KANK1: variants seen among roughly 807,000 people sequenced by gnomAD.
The protein encoded by KANK1 is KN motif and ankyrin repeat domains 1.
KANK1 carries 109 observed loss-of-function variants against 106.2 expected under a neutral mutation model. The ratio of observed to expected loss-of-function variants is 1.03; its 90% confidence interval spans 0.88 to 1.20. The LOEUF is 1.20. Ranked by LOEUF, KANK1 falls within the 50% of genes most tolerant of loss-of-function variation. The pLI, the probability that KANK1 is intolerant of heterozygous loss-of-function variation, is 0.00. For synonymous variants in KANK1, 873 were observed against 652.2 expected, an observed-to-expected ratio of 1.34 and a Z score of -5.16; for missense variants, 2,399 against 1,710.7, an observed-to-expected ratio of 1.40 and a Z score of -7.10.
intron 1 of KANK1, among the ~76,000 whole-genome samples, chr9:518,128 C>A (rs2059375473): frequency 6.6e-6 from 1 of 151,750 alleles, no homozygotes; most frequent in African/African-American, 2.4e-5. Flanking sequence ...GCTCTGTCAA[C>A]TTTGATAGCA....
Position 713,479 on chromosome 9 carries a change from G to T in KANK1, c.2698+15G>T. 1 of 1,533,616 alleles carries T rather than the reference G, an allele frequency of 6.5e-7. No individual in the cohort carries two copies. The highest frequency in any genetic ancestry group is 8.7e-7 in the Non-Finnish European group (1 of 1,143,474). ...TAAAATCACAGGTAGGTGGTACCCT[G>T]AGGACCTGGGAATGAGGAAGGATGG... On this transcript the variant is annotated intron_variant, in intron 3 of 11. Coordinates refer to ENST00000382297, the MANE Select transcript of KANK1 (RefSeq NM_015158.5).
chr9:479,130 A>G (rs1263208949), intron 3 of KANK1, among the ~76,000 whole-genome samples: 2 of 152,218 alleles, frequency 1.3e-5, no homozygotes, highest in Non-Finnish European at 1.5e-5. Context: ...AAATAACTGC[A>G]ATGCATATCA....
chr9:701,411 A>G (rs1005946555), intron 2 of KANK1, among the ~76,000 whole-genome samples: 7 of 152,096 alleles, frequency 4.6e-5, no homozygotes, highest in African/African-American at 1.7e-4. Flanking sequence ...ATGGAAGAAT[A>G]CAGATTATAT....
intron 8 of KANK1, among the ~76,000 whole-genome samples, chr9:739,821 T>C (rs1390449712): frequency 1.3e-5 from 2 of 152,004 alleles, no homozygotes; most frequent in African/African-American, 4.8e-5. Flanking sequence ...AAGGTGTAGA[T>C]CTAGGATGCT....
At chr9:549,936 G>C (rs915505810) in intron 1 of KANK1, among the ~76,000 whole-genome samples, 1 of 152,110 alleles carries the variant, frequency 6.6e-6, no homozygotes, top group Admixed American at 6.5e-5. Flanking sequence ...CCTGGGTTGA[G>C]GGGGCAGTGG....
intron 1 of KANK1, among the ~76,000 whole-genome samples, chr9:562,228 ATT>A (rs1245507193): frequency 6.7e-6 from 1 of 148,694 alleles, no homozygotes; most frequent in Admixed American, 6.7e-5. Flanking sequence ...AATTTTTTGT[ATT>A]TTTAGTAGAG....
At chr9:676,175 C>T (rs1017911034) in intron 1 of KANK1, among the ~76,000 whole-genome samples, 3 of 152,114 alleles carry the variant, frequency 2.0e-5, no homozygotes, top group Non-Finnish European at 4.4e-5. Flanking sequence ...CCTGTCTCAT[C>T]CTGTGACTAA....
rs199762560 is a variant in KANK1 at position 711,556 on chromosome 9, C to A, written c.790C>A (p.Arg264Ser). ...NVSPMHLQHI[R>S]EQMAIALKRL... The stretch of plus-strand genomic sequence containing the variant: ...GAGCCCCATGCACCTGCAGCACATC[C>A]GCGAGCAGATGGCCATTGCTCTGAA... The change falls in exon 3 of 12, where the codon CGC becomes AGC. Residue 264 changes from arginine to serine, a missense_variant. Coordinates refer to ENST00000382297, the MANE Select transcript of KANK1 (RefSeq NM_015158.5). The A allele has an allele frequency of 6.2e-7, 1 of 1,613,856 alleles. No individual in the cohort carries two copies. Among genetic ancestry groups the A allele is most frequent in the Non-Finnish European group, 8.5e-7 (1 of 1,179,870 alleles).
chr9:605,646 A>G (rs1828914965), intron 1 of KANK1, among the ~76,000 whole-genome samples: 1 of 151,778 alleles, frequency 6.6e-6, no homozygotes, highest in Non-Finnish European at 1.5e-5. Context: ...GACCCAAATG[A>G]TGAATGGCTG....
intron 1 of KANK1, among the ~76,000 whole-genome samples, chr9:663,666 G>T (rs1283993241): frequency 2.0e-5 from 3 of 152,144 alleles, no homozygotes; most frequent in Non-Finnish European, 2.9e-5. Flanking sequence ...CAGTTTCTTG[G>T]AAAGAAACTC....
rs114244116 is a variant in KANK1, at chr9:744,548, C to G, written c.3955C>G (p.Leu1319Val). ...LEAGHKDIAV[L>V]LYAHVNFAKA... is the part of the protein sequence containing the mutation. Reference sequence around the variant, plus strand: ...AGCAGGACACAAGGACATCGCTGTTCTTCTGTATGCCCATGTCAACTTTGC... The same window carrying G: ...AGCAGGACACAAGGACATCGCTGTTGTTCTGTATGCCCATGTCAACTTTGC... Residue 1319 changes from leucine (L) to valine (V), a missense_variant, in exon 11 of 12, where the codon CTT (leucine) becomes GTT (valine). Leu to Val is a conservative substitution (Grantham distance 32, BLOSUM62 1). Transcript: ENST00000382297. The G allele has an allele frequency of 1.1e-5, 18 of 1,614,174 alleles. 1 individual carries two copies. In the South Asian group the frequency reaches 1.9e-4, roughly 17 times the overall value.
At chr9:633,453 G>A (rs757589800) in intron 1 of KANK1, among the ~76,000 whole-genome samples, 11 of 152,100 alleles carry the variant, frequency 7.2e-5, no homozygotes, top group South Asian at 2.1e-4. Flanking sequence ...GCGAGACTCC[G>A]TCTCAAAAAC....
intron 1 of KANK1, among the ~76,000 whole-genome samples, chr9:564,995 G>T (rs1446422509): frequency 3.3e-5 from 5 of 152,226 alleles, no homozygotes; most frequent in African/African-American, 1.2e-4. Context: ...CTGAGAAGGA[G>T]CCTGGTGAGG....
intron 2 of KANK1, among the ~76,000 whole-genome samples, chr9:710,540 C>G (rs1825668920): frequency 6.8e-6 from 1 of 148,114 alleles, no homozygotes; most frequent in African/African-American, 2.5e-5. Context: ...ATTGCTTGAT[C>G]CCAGGAGACG....
upstream of KANK1, among the ~76,000 whole-genome samples, chr9:502,012 T>C (rs2058562741): frequency 6.6e-6 from 1 of 152,204 alleles, no homozygotes; most frequent in Admixed American, 6.5e-5. Context: ...AATGGTATAA[T>C]GGGTAGGGGG....
At chr9:638,762 C>T (rs1397373809) in intron 1 of KANK1, among the ~76,000 whole-genome samples, 1 of 152,134 alleles carries the variant, frequency 6.6e-6, no homozygotes, top group East Asian at 1.9e-4. Flanking sequence ...TCTGTAGATT[C>T]CTCTGATTCT....
chr9:509,083 G>A (rs2058912773), intron 1 of KANK1, among the ~76,000 whole-genome samples: 1 of 152,098 alleles, frequency 6.6e-6, no homozygotes, highest in Non-Finnish European at 1.5e-5. Context: ...TTTGGCAAAT[G>A]GACAAAATAT....
chr9:572,250 G>A (rs1305029464), intron 1 of KANK1, among the ~76,000 whole-genome samples: 1 of 149,870 alleles, frequency 6.7e-6, no homozygotes, highest in Non-Finnish European at 1.5e-5. Flanking sequence ...TAAACTCCTG[G>A]GCTCAAGGCA....
In KANK1 at chr9:548,640, C is replaced by T. The variant is rs184076654; in HGVS notation, c.-84+43886C>T. Among the ~76,000 whole-genome samples, 1,484 of 152,148 alleles carry T rather than the reference C, an allele frequency of 9.8e-3. 10 individuals are homozygous for T. Among genetic ancestry groups the T allele is most frequent in the South Asian group, 0.021 (102 of 4,814 alleles). The stretch of plus-strand genomic sequence containing the variant: ...CAAACACCCCTACCAACTAACCCAT[C>T]GTGTATTTTTATGTGTGTATAGAAA... On this transcript the variant is annotated intron_variant, in intron 1 of 11. Coordinates refer to ENST00000382297, the MANE Select transcript of KANK1 (RefSeq NM_015158.5).
Sources: allele counts gnomAD v4.1 joint callset (sites outside exome capture counted in the v4.1 genomes callset), GRCh38; gene constraint gnomAD v4.1.1; transcripts MANE v1.5; gene names NCBI Gene and HGNC (gene_info 2026-07-23, HGNC 2026-07-21).